Variants in EIF3M observed in about 807,000 individuals in gnomAD.
EIF3M encodes the protein B5 receptor.
EIF3M carries 25 observed loss-of-function variants against 49.7 expected under a neutral mutation model. That is an observed-to-expected ratio of 0.50 (90% CI 0.37 to 0.70). EIF3M has a LOEUF of 0.70. Among genes scored for constraint, EIF3M ranks in the 30% least tolerant of loss-of-function variants. The pLI, the probability that EIF3M is intolerant of heterozygous loss-of-function variation, is 0.00. For missense variants in EIF3M, 350 were observed against 440.0 expected (o/e 0.80, Z 1.83); for synonymous variants, 156 against 149.8 (o/e 1.04, Z -0.30).
intron 6 of EIF3M, 178 bp downstream of exon 6, chr11:32,594,127 A>G (rs559231122): frequency 1.5e-5 from 6 of 399,210 alleles, no homozygotes; most frequent in Non-Finnish European, 2.6e-5. Context: ...TATTGGAAGA[A>G]CTGTGGATTG....
At chr11:32,601,441 A>T (rs892074950) in intron 9 of EIF3M, 11 of 197,696 alleles carry the variant, frequency 5.6e-5, no homozygotes, top group African/African-American at 2.6e-4. Flanking sequence ...GTAATAACTT[A>T]GTAGGAAATT....
At chr11:32,592,432 ATCT>A (rs749796643) in intron 5 of EIF3M, 2 of 541,270 alleles carry the variant, frequency 3.7e-6, no homozygotes, top group Non-Finnish European at 7.1e-6. Context: ...GTTCTTCTGT[ATCT>A]TCTTTAACAT....
chr11:32,605,536 C>G lies in EIF3M; in HGVS notation c.*3137C>G, dbSNP rs142748736. On this transcript the variant is annotated 3_prime_UTR_variant, in exon 11 of 11. Transcript: ENST00000531120. The stretch of plus-strand genomic sequence containing the variant: ...TATTTTGCCATCAAAGTGCTGGGTT[C>G]ATTTTGGTGTATTTGGCATCCAAGT... 1.4e-4 allele frequency: 22 copies of G among 152,268 alleles called. No individual in the cohort carries two copies. Among genetic ancestry groups the G allele is most frequent in the Admixed American group, 3.3e-4 (5 of 15,302 alleles). The allele number at this position is 152,268 out of a possible 1,614,324, so 9.4% of individuals were successfully genotyped here. A position where few individuals can be genotyped will look rare whatever the true frequency, so the allele number is the denominator to read the frequency against.
In EIF3M at chr11:32,601,759, C is replaced by T. The variant is rs1343151474; in HGVS notation, c.944-3C>T. ...ACATACGATATAAAACATCTTTTTT[C>T]AGCCGTAAGAACTAAAATGGTCTAC... On this transcript the variant is annotated splice_polypyrimidine_tract_variant and splice_region_variant and intron_variant, in intron 9 of 10. Transcript: ENST00000531120. The T allele has an allele frequency of 6.2e-7, 1 of 1,607,886 alleles. No individual in the cohort carries two copies. Among genetic ancestry groups the T allele is most frequent in the Non-Finnish European group, 8.5e-7 (1 of 1,178,048 alleles).
chr11:32,590,574 A>G (rs866334968), intron 5 of EIF3M, among the ~76,000 whole-genome samples: 2 of 152,208 alleles, frequency 1.3e-5, no homozygotes, highest in South Asian at 2.1e-4. Flanking sequence ...AAACCATTGC[A>G]TTCCCAAGAA....
At position 32,589,567 on chromosome 11, in the gene EIF3M, C is replaced by T. The variant is rs749367514; in HGVS notation, c.459C>T (p.Asp153=). The T allele has an allele frequency of 6.2e-7, 1 of 1,614,062 alleles. No homozygotes were observed. The highest frequency in any genetic ancestry group is 8.5e-7 in the Non-Finnish European group (1 of 1,180,006). The stretch of plus-strand genomic sequence containing the variant: ...TGTAGGTTAGAAAATGGATTTCTGA[C>T]TGGAATCTCACCACTGAAAAAAAGC... ...ELDQVRKWIS[D]WNLTTEKKHT... Residue 153 remains aspartate (D), a synonymous_variant, in exon 5 of 11, where the codon GAC becomes GAT. Transcript: ENST00000531120.
At chr11:32,585,087 T>C (rs1467103168) in intron 1 of EIF3M, among the ~76,000 whole-genome samples, 1 of 152,006 alleles carries the variant, frequency 6.6e-6, no homozygotes, top group Non-Finnish European at 1.5e-5. Context: ...GAGTTCCCCC[T>C]CTCTCCTCCC....
Position 32,602,839 on chromosome 11 carries a change from G to A in EIF3M, c.*440G>A, listed in dbSNP as rs186329131. ...TTTTAATCTGTTGTTTTTTTCCAACGTCTCTTCTGCTTTTCTTTTCTTTGG... is the reference window on the plus strand; with the variant it reads ...TTTTAATCTGTTGTTTTTTTCCAACATCTCTTCTGCTTTTCTTTTCTTTGG... On this transcript the variant is annotated 3_prime_UTR_variant, in exon 11 of 11. Coordinates refer to ENST00000531120, the MANE Select transcript of EIF3M (RefSeq NM_006360.6). 9,807 of 1,601,552 alleles carry A rather than the reference G, an allele frequency of 6.1e-3. 82 individuals are homozygous for A. The highest frequency in any genetic ancestry group is 5.8e-3 in the Non-Finnish European group (6,757 of 1,175,054).
chr11:32,588,194 G>C (rs1455733107), intron 2 of EIF3M, among the ~76,000 whole-genome samples: 2 of 152,028 alleles, frequency 1.3e-5, no homozygotes, highest in Admixed American at 6.6e-5. Flanking sequence ...TTCAAGACCA[G>C]CCTGGCCAAT....
In EIF3M at chr11:32,600,725, T is replaced by C. The variant is rs1855248449; in HGVS notation, c.836T>C (p.Leu279Pro). 6.2e-7 allele frequency: 1 copy of C among 1,611,326 alleles called. No individual in the cohort carries two copies. Among genetic ancestry groups the C allele is most frequent in the Non-Finnish European group, 8.5e-7 (1 of 1,178,336 alleles). The change falls in exon 9 of 11, where the codon CTA becomes CCA. Residue 279 changes from leucine (L) to proline (P), a missense_variant. Coordinates refer to ENST00000531120, the MANE Select transcript of EIF3M (RefSeq NM_006360.6). ...LHEQNMAKMR[L>P]LTFMGMAVEN... ...GAACAGAATATGGCAAAAATGAGAC[T>C]ACTTACTTTTATGGGAATGGCAGTA...
chr11:32,589,946 G>A (rs993383251), intron 5 of EIF3M, among the ~76,000 whole-genome samples: 1 of 152,154 alleles, frequency 6.6e-6, no homozygotes, highest in African/African-American at 2.4e-5. Context: ...ATGTGGTGAA[G>A]CATCTCATCA....
At position 32,588,600 on chromosome 11, in the gene EIF3M, A is replaced by C; in HGVS notation, c.182A>C (p.Glu61Ala). 1 of 1,606,754 alleles carries C rather than the reference A, an allele frequency of 6.2e-7. No homozygotes were observed. Among genetic ancestry groups the C allele is most frequent in the Non-Finnish European group, 8.5e-7 (1 of 1,175,996 alleles). ...GTTATCCATACTTGTGTAGATGTTGAAAGTGTGATGAACAGTGTGGTATCC... is the reference window on the plus strand; with the variant it reads ...GTTATCCATACTTGTGTAGATGTTGCAAGTGTGATGAACAGTGTGGTATCC... ...VCLKEDDKDV[E>A]SVMNSVVSLL... is the part of the protein sequence containing the mutation. The change falls in exon 3 of 11, where the codon GAA (glutamate) becomes GCA (alanine). Residue 61 changes from glutamate to alanine, a missense_variant. Coordinates refer to ENST00000531120, the MANE Select transcript of EIF3M (RefSeq NM_006360.6).
At chr11:32,600,899 AT>A (rs1855252124) in intron 9 of EIF3M, 67 bp downstream of exon 9, 7 of 1,504,812 alleles carry the variant, frequency 4.7e-6, no homozygotes, top group Non-Finnish European at 6.2e-6. Context: ...TCATAGTAAG[AT>A]TTTTATCTGG....
intron 10 of EIF3M, 178 bp from the exon 11 acceptor site, chr11:32,602,101 T>A: frequency 9.4e-7 from 1 of 1,064,164 alleles, no homozygotes; most frequent in Non-Finnish European, 1.4e-6. Context: ...ATTAGAAGGC[T>A]TAGGATCAAT....
At chr11:32,584,607 C>CAAAAAAAAAAAAAAAA (rs796738414) in intron 1 of EIF3M, among the ~76,000 whole-genome samples, 3 of 62,306 alleles carry the variant, frequency 4.8e-5, no homozygotes, top group African/African-American at 1.2e-4. Context: ...GAGTCCCTCT[C>CAAAAAAAAAAAAAAAA]AAAAAAAAAA....
At chr11:32,588,545 A>G (rs768323004) in intron 2 of EIF3M, 49 bp from the exon 3 acceptor site, 25 of 1,586,292 alleles carry the variant, frequency 1.6e-5, no homozygotes, top group Non-Finnish European at 2.2e-5. Context: ...AACTAGACGC[A>G]TTGAGTATTG....
At position 32,600,818 on chromosome 11, in the gene EIF3M, C is replaced by A; in HGVS notation, c.929C>A (p.Ala310Glu). 2 of 1,606,200 alleles carry A rather than the reference C, an allele frequency of 1.2e-6. No homozygotes were observed. Among genetic ancestry groups the A allele is most frequent in the Non-Finnish European group, 1.7e-6 (2 of 1,176,264 alleles). Residue 310 changes from alanine (A) to glutamate (E), a missense_variant, in exon 9 of 11, where the codon GCA (alanine) becomes GAA (glutamate). Coordinates refer to ENST00000531120, the MANE Select transcript of EIF3M (RefSeq NM_006360.6). ...CAGATTGGAGCTGATGATGTTGAAG[C>A]ATTTGTTATTGACGGTAAGGCAGAC... ...ELQIGADDVE[A>E]FVIDAVRTKM...
chr11:32,600,561 A>AAT, intron 8 of EIF3M, 128 bp from the exon 9 acceptor site: 1 of 1,141,780 alleles, frequency 8.8e-7, no homozygotes, highest in Non-Finnish European at 1.2e-6. Context: ...TGTTCTATAT[A>AAT]AGTGCTCAAA....
At chr11:32,588,538 T>C in intron 2 of EIF3M, 56 bp from the exon 3 acceptor site, 1 of 1,575,298 alleles carries the variant, frequency 6.3e-7, no homozygotes, top group Non-Finnish European at 8.7e-7. Flanking sequence ...CATATTTAAC[T>C]AGACGCATTG....
Sources: gnomAD v4.1 joint callset for allele counts (sites outside exome capture counted in the v4.1 genomes callset) on GRCh38, gnomAD v4.1.1 for gene constraint, MANE v1.5 for transcripts, NCBI Gene and HGNC (gene_info 2026-07-23, HGNC 2026-07-21) for gene names.